FAAH2: variants seen among roughly 807,000 people sequenced by gnomAD.
FAAH2 encodes the protein fatty-acid amide hydrolase 2.
A neutral mutation model predicts 36.9 loss-of-function variants in FAAH2; 60 were observed. That is an observed-to-expected ratio of 1.63 (90% CI 1.32 to 2.02). The LOEUF (loss-of-function observed/expected upper bound fraction) is 2.02, where lower values mean the gene tolerates loss of function less well. FAAH2 is among the 30% of genes most tolerant of loss of function. The pLI is 0.00. For missense variants in FAAH2, 689 were observed against 397.5 expected (o/e 1.73, Z -6.23); for synonymous variants, 214 against 143.8 (o/e 1.49, Z -3.49).
chrX:57,471,508 T>A (rs1180269753), intron 10 of FAAH2, among the ~76,000 whole-genome samples: 1 of 111,404 alleles, frequency 9.0e-6, no homozygotes, highest in African/African-American at 3.3e-5. Flanking sequence ...TCAAAGAGAA[T>A]AAAATACCTA....
At chrX:57,468,645 G>A (rs2057097290) in intron 10 of FAAH2, among the ~76,000 whole-genome samples, 1 of 111,982 alleles carries the variant, frequency 8.9e-6, no homozygotes, top group African/African-American at 3.2e-5. Flanking sequence ...AACTGACGGG[G>A]AGAATGGAAC....
At chrX:57,335,345 G>A (rs1029081193) in intron 4 of FAAH2, among the ~76,000 whole-genome samples, 19 of 111,983 alleles carry the variant, frequency 1.7e-4, no homozygotes, top group African/African-American at 4.2e-4. Flanking sequence ...ATTATCCAGC[G>A]TTTCCCGGAG....
At chrX:57,176,570 T>G in the FAAH2 span, among the ~76,000 whole-genome samples, 1 of 111,692 alleles carries the variant, frequency 9.0e-6, no homozygotes, top group African/African-American at 3.2e-5. Flanking sequence ...CTTCATCTGG[T>G]TTTTCAAAGA....
chrX:57,456,268 C>T (rs996348375), intron 10 of FAAH2, among the ~76,000 whole-genome samples: 1 of 111,966 alleles, frequency 8.9e-6, no homozygotes, highest in Non-Finnish European at 1.9e-5. Context: ...GGAGACACAG[C>T]TTACCAAATC....
chrX:57,191,436 G>T, the FAAH2 span, among the ~76,000 whole-genome samples: 1 of 110,784 alleles, frequency 9.0e-6, no homozygotes. Flanking sequence ...CCACTCTCAG[G>T]GTTGTCTCTT....
chrX:57,176,804 T>C, the FAAH2 span, among the ~76,000 whole-genome samples: 1 of 111,615 alleles, frequency 9.0e-6, no homozygotes, highest in Non-Finnish European at 1.9e-5. Flanking sequence ...GTTTATAGTT[T>C]ATTGTTACCT....
At chrX:57,189,702 G>A in the FAAH2 span, among the ~76,000 whole-genome samples, 154 of 111,703 alleles carry the variant, frequency 1.4e-3, no homozygotes, top group African/African-American at 4.7e-3. Flanking sequence ...ATTTGTTTGG[G>A]TATCACCAGT....
At chrX:57,342,593 C>T (rs1017540902) in intron 5 of FAAH2, among the ~76,000 whole-genome samples, 1 of 111,212 alleles carries the variant, frequency 9.0e-6, no homozygotes, top group African/African-American at 3.3e-5. Context: ...TGAAAATTGG[C>T]CTGCTAGGAG....
chrX:57,187,470 G>A, the FAAH2 span, among the ~76,000 whole-genome samples: 1 of 111,144 alleles, frequency 9.0e-6, no homozygotes, highest in Non-Finnish European at 1.9e-5. Flanking sequence ...TTTGGGTTGA[G>A]AAGATGGGGT....
At chrX:57,276,960 G>A in the FAAH2 span, among the ~76,000 whole-genome samples, 1 of 111,323 alleles carries the variant, frequency 9.0e-6, no homozygotes, top group Non-Finnish European at 1.9e-5. Flanking sequence ...AAAAGTCCAG[G>A]ATCGGACGTA....
At chrX:57,350,533 A>G (rs1457477421) in intron 5 of FAAH2, among the ~76,000 whole-genome samples, 1 of 111,257 alleles carries the variant, frequency 9.0e-6, no homozygotes, top group Non-Finnish European at 1.9e-5. Context: ...ATGAACATAA[A>G]CATATTAAAA....
At chrX:57,477,077 G>T (rs1462031882) in intron 10 of FAAH2, among the ~76,000 whole-genome samples, 1 of 109,597 alleles carries the variant, frequency 9.1e-6, no homozygotes, top group Non-Finnish European at 1.9e-5. Context: ...ATGTCTATTT[G>T]TTTGTTCTCT....
intron 7 of FAAH2, among the ~76,000 whole-genome samples, chrX:57,428,149 T>C (rs1225353366): frequency 2.7e-5 from 3 of 111,721 alleles, no homozygotes; most frequent in Non-Finnish European, 5.7e-5. Flanking sequence ...GCATTTACAA[T>C]AGCTGTAAAA....
upstream of FAAH2, among the ~76,000 whole-genome samples, chrX:57,281,800 A>G (rs933710967): frequency 1.5e-4 from 17 of 111,336 alleles, no homozygotes; most frequent in Admixed American, 1.2e-3. Flanking sequence ...GCTTCCACTC[A>G]TAAGTGAGAA....
Position 57,331,523 on chromosome X carries a change from C to T in FAAH2, c.413-75C>T, listed in dbSNP as rs1465810409. 3.5e-5 allele frequency: 32 copies of T among 902,616 alleles called. No individual in the cohort carries two copies. The South Asian group carries it at 6.7e-4, about 19-fold the overall frequency. 74.4% of individuals were successfully genotyped at this position (902,616 alleles called of 1,213,427 possible). A position where few individuals can be genotyped will look rare whatever the true frequency, so the allele number is the denominator to read the frequency against. On this transcript the variant is annotated intron_variant, in intron 3 of 10. Coordinates refer to ENST00000374900, the MANE Select transcript of FAAH2 (RefSeq NM_174912.4). ...GTTCCTTCTGGCTACATCTAGTTGGCCATCTTGCCCCTCAGGAGAAAACAA... is the reference window on the plus strand; with the variant it reads ...GTTCCTTCTGGCTACATCTAGTTGGTCATCTTGCCCCTCAGGAGAAAACAA...
At chrX:57,421,133 A>G (rs907491804) in intron 7 of FAAH2, among the ~76,000 whole-genome samples, 4 of 112,067 alleles carry the variant, frequency 3.6e-5, no homozygotes, top group East Asian at 2.8e-4. Context: ...ATGAGTGAAA[A>G]CTATTATCAA....
At chrX:57,347,906 G>C (rs1024264466) in intron 5 of FAAH2, among the ~76,000 whole-genome samples, 1 of 110,110 alleles carries the variant, frequency 9.1e-6, no homozygotes, top group African/African-American at 3.3e-5. Context: ...GTAATGGCTG[G>C]TAGATAGGCG....
intron 10 of FAAH2, among the ~76,000 whole-genome samples, chrX:57,455,286 C>T (rs140772311): frequency 5.4e-5 from 6 of 111,223 alleles, no homozygotes; most frequent in African/African-American, 1.6e-4. Flanking sequence ...CACCCTTACC[C>T]GAGTTCTTTA....
chrX:57,317,611 A>T (rs925638834), intron 3 of FAAH2, among the ~76,000 whole-genome samples: 67 of 111,612 alleles, frequency 6.0e-4, no homozygotes, highest in Non-Finnish European at 1.2e-3. Flanking sequence ...GATCAACAAG[A>T]CAGAAAATTA....
Sources: allele counts gnomAD v4.1 joint callset (sites outside exome capture counted in the v4.1 genomes callset), GRCh38; gene constraint gnomAD v4.1.1; transcripts MANE v1.5; gene names NCBI Gene and HGNC (gene_info 2026-07-23, HGNC 2026-07-21).